Variants in ACOXL observed in about 807,000 individuals in gnomAD.
The protein encoded by ACOXL is acyl-coenzyme A oxidase-like protein.
In ACOXL, 70 loss-of-function variants were observed where a neutral mutation model predicts 71.9. The ratio of observed to expected loss-of-function variants is 0.97; its 90% CI spans 0.80 to 1.19. The LOEUF is 1.19. Among genes scored for constraint, ACOXL ranks in the 50% most tolerant of loss-of-function variants. ACOXL has a pLI of 0.00. For synonymous variants in ACOXL, 253 were observed against 281.6 expected, an observed-to-expected ratio of 0.90 and a Z score of 1.02; for missense variants, 703 against 736.3, an observed-to-expected ratio of 0.95 and a Z score of 0.52.
At chr2:110,911,951 A>G (rs188640614) in intron 11 of ACOXL, among the ~76,000 whole-genome samples, 1 of 152,216 alleles carries the variant, frequency 6.6e-6, no homozygotes, top group Admixed American at 6.5e-5. Flanking sequence ...GCCTTCATAT[A>G]TAGAAAATCT....
chr2:110,853,101 G>A (rs1207408766), intron 10 of ACOXL, among the ~76,000 whole-genome samples: 1 of 152,154 alleles, frequency 6.6e-6, no homozygotes, highest in Non-Finnish European at 1.5e-5. Flanking sequence ...CGGGCCTCGG[G>A]CGGGGTGGTC....
intron 9 of ACOXL, among the ~76,000 whole-genome samples, chr2:110,808,444 A>G (rs561161495): frequency 2.6e-5 from 4 of 152,146 alleles, no homozygotes; most frequent in Admixed American, 6.5e-5. Context: ...ACCCCTGCAC[A>G]GAACACATGG....
chr2:110,813,174 A>G (rs1687544593), intron 9 of ACOXL, among the ~76,000 whole-genome samples: 1 of 152,192 alleles, frequency 6.6e-6, no homozygotes, highest in Non-Finnish European at 1.5e-5. Flanking sequence ...TCTCTCTGCT[A>G]CAGGAGAGGA....
At chr2:111,061,440 GAAGTCA>G (rs1413023121) in intron 16 of ACOXL, among the ~76,000 whole-genome samples, 8 of 151,982 alleles carry the variant, frequency 5.3e-5, no homozygotes, top group Non-Finnish European at 7.4e-5. Flanking sequence ...GAATTAGGAG[GAAGTCA>G]AGCTATCCTC....
chr2:111,011,901 AAAAAGG>A (rs1302702342), intron 14 of ACOXL, among the ~76,000 whole-genome samples: 85 of 140,512 alleles, frequency 6.0e-4, no homozygotes, highest in African/African-American at 1.8e-3. Context: ...AAAAAAAAAA[AAAAAGG>A]AGTGTATTAC....
intron 15 of ACOXL, among the ~76,000 whole-genome samples, chr2:111,044,613 T>C (rs941794764): frequency 6.6e-6 from 1 of 152,252 alleles, no homozygotes; most frequent in Non-Finnish European, 1.5e-5. Flanking sequence ...GTGCCCAATC[T>C]GACCAGCAAT....
intron 15 of ACOXL, among the ~76,000 whole-genome samples, chr2:111,032,124 A>C (rs1044460529): frequency 3.3e-5 from 5 of 152,216 alleles, no homozygotes; most frequent in African/African-American, 1.2e-4. Context: ...TGCCTGAGGA[A>C]TTTTAAGTGC....
At chr2:110,943,294 GAGAA>G (rs1434239751) in intron 12 of ACOXL, among the ~76,000 whole-genome samples, 2 of 150,396 alleles carry the variant, frequency 1.3e-5, no homozygotes, top group African/African-American at 4.9e-5. Flanking sequence ...AGGAAGGAAG[GAGAA>G]AGAAGAGAGA....
chr2:110,781,290 T>C (rs945849261), intron 2 of ACOXL, among the ~76,000 whole-genome samples: 1 of 152,088 alleles, frequency 6.6e-6, no homozygotes, highest in Non-Finnish European at 1.5e-5. Context: ...AGAGGAGGCC[T>C]GTCAAGAGGC....
chr2:111,115,572 C>T (rs2070291574), intron 17 of ACOXL: 1 of 152,094 alleles, frequency 6.6e-6, no homozygotes, highest in Admixed American at 6.5e-5. Context: ...CAGCCAGGAA[C>T]AGAGGTGGGT....
At chr2:110,985,171 T>G (rs1315903976) in intron 12 of ACOXL, among the ~76,000 whole-genome samples, 5 of 2,136 alleles carry the variant, frequency 2.3e-3, no homozygotes, top group African/African-American at 0.029. Context: ...TGGATTGCTA[T>G]TATCATTTTA....
chr2:110,998,025 T>C (rs1173857164), intron 14 of ACOXL, among the ~76,000 whole-genome samples: 3 of 133,034 alleles, frequency 2.3e-5, no homozygotes, highest in South Asian at 2.3e-4. Context: ...CACTCCAGCC[T>C]GGGCAACAGA....
At chr2:110,762,353 T>A (rs542434545) in intron 1 of ACOXL, among the ~76,000 whole-genome samples, 2 of 152,298 alleles carry the variant, frequency 1.3e-5, no homozygotes, top group Admixed American at 1.3e-4. Context: ...ATTATTGATA[T>A]GTCAATGTTT....
At chr2:110,817,020 C>T (rs890011337) in intron 9 of ACOXL, among the ~76,000 whole-genome samples, 11 of 152,242 alleles carry the variant, frequency 7.2e-5, no homozygotes, top group African/African-American at 2.7e-4. Context: ...TGTTAACAGT[C>T]TGCCTACTTC....
At chr2:110,748,681 G>A (rs1309455848) in intron 1 of ACOXL, among the ~76,000 whole-genome samples, 3 of 152,138 alleles carry the variant, frequency 2.0e-5, no homozygotes, top group Non-Finnish European at 4.4e-5. Flanking sequence ...CTGGGAGTGG[G>A]GTGAATGCTT....
chr2:111,112,717 A>G (rs2150084862), intron 17 of ACOXL, among the ~76,000 whole-genome samples: 1 of 152,284 alleles, frequency 6.6e-6, no homozygotes, highest in South Asian at 2.1e-4. Context: ...TGCTCTTTTG[A>G]AGGCACTTGA....
intron 10 of ACOXL, among the ~76,000 whole-genome samples, chr2:110,869,562 G>C (rs1442209992): frequency 6.6e-6 from 1 of 152,172 alleles, no homozygotes; most frequent in Non-Finnish European, 1.5e-5. Flanking sequence ...GCTGGGGCTC[G>C]CATCTCTTCC....
intron 16 of ACOXL, among the ~76,000 whole-genome samples, chr2:111,067,712 G>A (rs1390747795): frequency 6.6e-6 from 1 of 152,118 alleles, no homozygotes; most frequent in Non-Finnish European, 1.5e-5. Context: ...TGGAAAAAAT[G>A]GAAAATCTAA....
intron 10 of ACOXL, among the ~76,000 whole-genome samples, chr2:110,846,641 G>GCGCGCGCACACACA (rs148602789): frequency 2.9e-5 from 4 of 137,928 alleles, no homozygotes; most frequent in African/African-American, 1.1e-4. Flanking sequence ...ATGCATACAC[G>GCGCGCGCACACACA]CACACACACA....
Sources: gnomAD v4.1 joint callset for allele counts (sites outside exome capture counted in the v4.1 genomes callset) on GRCh38, gnomAD v4.1.1 for gene constraint, MANE v1.5 for transcripts, NCBI Gene and HGNC (gene_info 2026-07-23, HGNC 2026-07-21) for gene names.